Variants in MYOF observed in about 807,000 individuals in gnomAD.
MYOF encodes myoferlin, also known as fer-1-like 3, myoferlin.
In MYOF, 244 loss-of-function variants were observed where a neutral mutation model predicts 284.2. The observed-to-expected ratio is 0.86, with a 90% confidence interval of 0.77 to 0.95. The LOEUF (loss-of-function observed/expected upper bound fraction) is 0.95. Among genes scored for constraint, MYOF ranks in the 40% least tolerant of loss-of-function variants. The pLI, the probability that MYOF is intolerant of heterozygous loss-of-function variation, is 0.00. For missense variants in MYOF, 2,496 were observed against 2,560.6 expected (o/e 0.97, Z 0.54); for synonymous variants, 904 against 919.7 (o/e 0.98, Z 0.31).
intron 13 of MYOF, among the ~76,000 whole-genome samples, chr10:93,398,266 T>C (rs971061614): frequency 6.6e-6 from 1 of 152,116 alleles, no homozygotes; most frequent in African/African-American, 2.4e-5. Flanking sequence ...CCCTCCCCAA[T>C]CTCTGCATAT....
intron 41 of MYOF, among the ~76,000 whole-genome samples, chr10:93,334,593 G>A (rs1033641799): frequency 3.9e-5 from 6 of 152,096 alleles, no homozygotes; most frequent in African/African-American, 9.7e-5. Context: ...ATATAGTAAC[G>A]CCACAAAAAT....
chr10:93,386,150 A>G (rs912881041), intron 19 of MYOF, among the ~76,000 whole-genome samples: 1 of 152,112 alleles, frequency 6.6e-6, no homozygotes, highest in Non-Finnish European at 1.5e-5. Context: ...TCAAGAGCTA[A>G]CTCCAATCTG....
At chr10:93,436,273 G>A (rs540643632) in intron 3 of MYOF, among the ~76,000 whole-genome samples, 10 of 152,178 alleles carry the variant, frequency 6.6e-5, no homozygotes, top group Admixed American at 5.9e-4. Context: ...ATCAGTATCC[G>A]CTAGTTTCCC....
At chr10:93,308,040 G>C (rs1379152917) in intron 53 of MYOF, among the ~76,000 whole-genome samples, 1 of 149,426 alleles carries the variant, frequency 6.7e-6, no homozygotes, top group African/African-American at 2.4e-5. Flanking sequence ...GTCAGGAGTT[G>C]GAGACCAGCC....
chr10:93,389,095 G>T lies in MYOF; in HGVS notation c.1516C>A (p.Leu506Ile). Residue 506 changes from leucine (L) to isoleucine (I), a missense_variant, in exon 18 of 54, where the codon CTT (leucine) becomes ATT (isoleucine). By Grantham distance (5) the Leu-to-Ile change is conservative. Transcript: ENST00000359263. ...VPTFGPCYLNLYGSPREYTGF... is the reference protein window; with the variant it reads ...VPTFGPCYLNIYGSPREYTGF... Reference sequence around the variant, plus strand: ...GTGTACTCTCTGGGGCTTCCATAAAGATTCAGGTAACAAGGTCCAAACGTT... The same window carrying T: ...GTGTACTCTCTGGGGCTTCCATAAATATTCAGGTAACAAGGTCCAAACGTT... 2 of 1,614,152 alleles carry T rather than the reference G, an allele frequency of 1.2e-6. No individual in the cohort carries two copies. The highest frequency in any genetic ancestry group is 1.7e-6 in the Non-Finnish European group (2 of 1,180,004).
At chr10:93,418,709 G>C (rs895471906) in intron 5 of MYOF, among the ~76,000 whole-genome samples, 1 of 152,144 alleles carries the variant, frequency 6.6e-6, no homozygotes, top group Non-Finnish European at 1.5e-5. Flanking sequence ...ATACAGACTC[G>C]GGGCTCCCCT....
intron 1 of MYOF, among the ~76,000 whole-genome samples, chr10:93,462,831 A>G (rs775373537): frequency 1.3e-5 from 2 of 148,454 alleles, no homozygotes; most frequent in Non-Finnish European, 1.5e-5. Context: ...CTGTAAAAAT[A>G]AAAAAAAAAG....
Position 93,326,030 on chromosome 10 carries a change from G to C in MYOF, c.5132-65C>G, listed in dbSNP as rs58634609. The C allele has an allele frequency of 8.2e-3, 13,055 of 1,600,430 alleles. 962 individuals are homozygous for C. The African/African-American group carries it at 0.16, about 19-fold the overall frequency. On this transcript the variant is annotated intron_variant, in intron 45 of 53. Coordinates refer to ENST00000359263, the MANE Select transcript of MYOF (RefSeq NM_013451.4). ...GGGAATAGTTCAGCCAGATTGCCTA[G>C]AGCTGCTTCCAGCACTTCATCCCAG... is the stretch of plus-strand genomic sequence containing the variant.
intron 14 of MYOF, 25 bp from the exon 15 acceptor site, chr10:93,397,315 T>G (rs763838224): frequency 6.3e-7 from 1 of 1,595,714 alleles, no homozygotes; most frequent in South Asian, 1.1e-5. Context: ...CAGAAAAAAG[T>G]AGTTATTTCT....
chr10:93,390,429 C>T (rs1846619835), intron 17 of MYOF, among the ~76,000 whole-genome samples: 1 of 152,118 alleles, frequency 6.6e-6, no homozygotes, highest in Non-Finnish European at 1.5e-5. Context: ...CTAGTGCACG[C>T]AGCCTAAGGT....
chr10:93,338,116 T>C (rs1843702389), intron 39 of MYOF, among the ~76,000 whole-genome samples: 1 of 151,808 alleles, frequency 6.6e-6, no homozygotes. Flanking sequence ...ATGGCCATTC[T>C]GGGCCGATGA....
chr10:93,410,678 T>C (rs1170822539), intron 5 of MYOF, among the ~76,000 whole-genome samples: 1 of 152,226 alleles, frequency 6.6e-6, no homozygotes, highest in Non-Finnish European at 1.5e-5. Context: ...CTTTTCTTAA[T>C]ACACAAAGAG....
chr10:93,374,542 T>G (rs1315564359), intron 23 of MYOF, among the ~76,000 whole-genome samples: 3 of 152,240 alleles, frequency 2.0e-5, no homozygotes, highest in Non-Finnish European at 4.4e-5. Context: ...TTGAAGACAT[T>G]TCCAAGATCA....
chr10:93,401,814 TGTGTGTGTGTGTGTGTGA>T (rs372276479), intron 11 of MYOF, among the ~76,000 whole-genome samples: 4,582 of 91,672 alleles, frequency 0.05, 254 homozygotes, highest in African/African-American at 0.12. Context: ...TGTGTGTGTG[TGTGTGTGTGTGTGTGTGA>T]TCCTGATGTC....
intron 1 of MYOF, among the ~76,000 whole-genome samples, chr10:93,463,217 C>A (rs1209733601): frequency 1.3e-5 from 2 of 152,166 alleles, no homozygotes; most frequent in South Asian, 2.1e-4. Flanking sequence ...TGCGCGGAAC[C>A]ATTTCCTTTG....
chr10:93,436,003 G>T (rs140450933), intron 3 of MYOF, among the ~76,000 whole-genome samples: 228 of 151,448 alleles, frequency 1.5e-3, no homozygotes, highest in Non-Finnish European at 2.5e-3. Flanking sequence ...ACATGTTCGT[G>T]TTAGACCATC....
intron 26 of MYOF, 72 bp downstream of exon 26, chr10:93,366,320 T>C (rs1211920626): frequency 1.2e-5 from 17 of 1,463,722 alleles, no homozygotes; most frequent in Non-Finnish European, 2.8e-6. Flanking sequence ...ATGACGGAGA[T>C]ATAATATATT....
At chr10:93,339,991 A>C (rs950052866) in intron 39 of MYOF, among the ~76,000 whole-genome samples, 162 bp downstream of exon 39, 1 of 152,160 alleles carries the variant, frequency 6.6e-6, no homozygotes, top group African/African-American at 2.4e-5. Context: ...AGGCAGGAGA[A>C]TGGCGTGAAC....
intron 52 of MYOF, 107 bp downstream of exon 52, chr10:93,310,427 C>A (rs1013276590): frequency 8.6e-7 from 1 of 1,157,338 alleles, no homozygotes; most frequent in South Asian, 1.5e-5. Flanking sequence ...TATTAAATAC[C>A]AGATTAGGAG....
Sources: allele counts gnomAD v4.1 joint callset (sites outside exome capture counted in the v4.1 genomes callset), GRCh38; gene constraint gnomAD v4.1.1; transcripts MANE v1.5; gene names NCBI Gene and HGNC (gene_info 2026-07-23, HGNC 2026-07-21).